The following PARD3B variants were observed in gnomAD, a reference collection of about 807,000 sequenced individuals.
PARD3B encodes partitioning defective 3 homolog B.
A neutral mutation model predicts 130.2 loss-of-function variants in PARD3B; 103 were observed. The ratio of observed to expected loss-of-function variants is 0.79; its 90% CI spans 0.67 to 0.93. PARD3B has a LOEUF of 0.93. Ranked by LOEUF, PARD3B falls within the 40% of genes least tolerant of loss-of-function variation. The pLI, the probability that PARD3B is intolerant of heterozygous loss-of-function variation, is 0.00. For synonymous variants in PARD3B, 583 were observed against 553.2 expected (o/e 1.05, Z -0.76); for missense variants, 1,609 against 1,499.2 (o/e 1.07, Z -1.21).
At chr2:205,236,824 C>A (rs1288007315) in intron 15 of PARD3B, among the ~76,000 whole-genome samples, 1 of 152,144 alleles carries the variant, frequency 6.6e-6, no homozygotes, top group Non-Finnish European at 1.5e-5. Context: ...ACATCAGTCA[C>A]ATCAGTGGAC....
At chr2:204,971,809 C>G (rs1691735591) in intron 3 of PARD3B, among the ~76,000 whole-genome samples, 1 of 148,440 alleles carries the variant, frequency 6.7e-6, no homozygotes, top group Non-Finnish European at 1.5e-5. Context: ...GAGCACCACT[C>G]TTTTGCTACT....
At chr2:205,610,492 A>G (rs1252006914) in intron 22 of PARD3B, among the ~76,000 whole-genome samples, 1 of 152,214 alleles carries the variant, frequency 6.6e-6, no homozygotes, top group Non-Finnish European at 1.5e-5. Context: ...GCCTGTACCT[A>G]GTAAGCCCAG....
chr2:205,243,759 C>T (rs1559579890), intron 15 of PARD3B, among the ~76,000 whole-genome samples: 1 of 152,054 alleles, frequency 6.6e-6, no homozygotes, highest in Non-Finnish European at 1.5e-5. Flanking sequence ...TCAGGCTTCT[C>T]CATTTATGAG....
At position 205,078,336 on chromosome 2, in the gene PARD3B, C is replaced by G. The variant is rs1183642099; in HGVS notation, c.505-26090C>G. ...TAGGTTCACTCAATGGCTATCGCAG[C>G]ATCATTCTTCATAATTTTTATTAAT... On this transcript the variant is annotated intron_variant, in intron 4 of 22. Transcript: ENST00000406610. The surrounding 1 kb of genome is among the most constrained non-coding windows in gnomAD (Gnocchi z 4.0). Among the ~76,000 whole-genome samples, 1 of 152,180 alleles carries G rather than the reference C, an allele frequency of 6.6e-6. No homozygotes were observed. Among genetic ancestry groups the G allele is most frequent in the Non-Finnish European group, 1.5e-5 (1 of 68,020 alleles).
intron 1 of PARD3B, among the ~76,000 whole-genome samples, chr2:204,574,344 T>C (rs1375095268): frequency 6.6e-6 from 1 of 152,242 alleles, no homozygotes; most frequent in East Asian, 1.9e-4. Flanking sequence ...TCATACTTTA[T>C]TCATAATAAA....
chr2:204,552,581 T>C (rs1376976709), intron 1 of PARD3B, among the ~76,000 whole-genome samples: 1 of 152,214 alleles, frequency 6.6e-6, no homozygotes, highest in African/African-American at 2.4e-5. Context: ...CCTAAGCCAA[T>C]GTCTAGAAGG....
intron 3 of PARD3B, among the ~76,000 whole-genome samples, chr2:205,017,443 G>C (rs1696233177): frequency 6.6e-6 from 1 of 152,038 alleles, no homozygotes; most frequent in Non-Finnish European, 1.5e-5. Flanking sequence ...GATGGCAGAT[G>C]GCAAAACTCA....
intron 1 of PARD3B, among the ~76,000 whole-genome samples, chr2:204,641,285 G>T (rs2035067611): frequency 6.6e-6 from 1 of 151,204 alleles, no homozygotes; most frequent in Non-Finnish European, 1.5e-5. Flanking sequence ...CATTTGGTTG[G>T]AACTTCTAAG....
chr2:205,027,947 A>T (rs953173934), intron 3 of PARD3B, among the ~76,000 whole-genome samples: 2 of 152,076 alleles, frequency 1.3e-5, no homozygotes, highest in African/African-American at 4.8e-5. Context: ...TGCCAATACC[A>T]TACTGTTTTA....
intron 2 of PARD3B, among the ~76,000 whole-genome samples, chr2:204,847,464 A>G (rs1310561985): frequency 6.6e-6 from 1 of 152,126 alleles, no homozygotes; most frequent in Non-Finnish European, 1.5e-5. Flanking sequence ...CTATAGCTTC[A>G]TTTTCTGTGG....
rs1704033441 is a variant in PARD3B, at chr2:205,116,413, AG to A, written c.681-2506del. Among the ~76,000 whole-genome samples, 1 of 152,148 alleles carries A rather than the reference AG, an allele frequency of 6.6e-6. No individual in the cohort carries two copies. Among genetic ancestry groups the A allele is most frequent in the African/African-American group, 2.4e-5 (1 of 41,428 alleles). On this transcript the variant is annotated intron_variant, in intron 6 of 22. Transcript: ENST00000406610. The surrounding 1 kb of genome is among the most constrained non-coding windows in gnomAD (Gnocchi z 4.5). ...GGCTGTGTGACATTGGGAAAAGAACAGGAAGGGGGCAAGGAGAAGATGTTGG... is the reference window on the plus strand; with the variant it reads ...GGCTGTGTGACATTGGGAAAAGAACAGAAGGGGGCAAGGAGAAGATGTTGG...
intron 2 of PARD3B, among the ~76,000 whole-genome samples, chr2:204,871,148 T>C (rs1233238266): frequency 1.3e-5 from 2 of 152,136 alleles, no homozygotes; most frequent in African/African-American, 4.8e-5. Context: ...CAAAGTTATT[T>C]TCCTAGCTGT....
intron 2 of PARD3B, among the ~76,000 whole-genome samples, chr2:204,706,259 C>T (rs912874434): frequency 1.4e-4 from 21 of 151,094 alleles, no homozygotes; most frequent in African/African-American, 3.2e-4. Flanking sequence ...CCCAGCCACT[C>T]GGGAGGCTGA....
At chr2:205,008,036 T>TA (rs1695419024) in intron 3 of PARD3B, among the ~76,000 whole-genome samples, 2 of 152,154 alleles carry the variant, frequency 1.3e-5, no homozygotes, top group South Asian at 4.1e-4. Flanking sequence ...TTTTTTTTGA[T>TA]ACATGAGAAG....
At chr2:205,016,418 A>G (rs1190795789) in intron 3 of PARD3B, among the ~76,000 whole-genome samples, 3 of 151,750 alleles carry the variant, frequency 2.0e-5, no homozygotes, top group Admixed American at 6.6e-5. Flanking sequence ...CACTTACCCA[A>G]CTCTCATTCC....
chr2:205,312,560 A>G (rs889415428), intron 18 of PARD3B, among the ~76,000 whole-genome samples: 2 of 152,222 alleles, frequency 1.3e-5, no homozygotes, highest in African/African-American at 4.8e-5. Flanking sequence ...ATTGTTCTCC[A>G]TGGTTATCTA....
In PARD3B at chr2:205,407,272, A is replaced by G. The variant is rs950063356; in HGVS notation, c.2741+6149A>G. Among the ~76,000 whole-genome samples, 2 of 152,178 alleles carry G rather than the reference A, an allele frequency of 1.3e-5. No homozygotes were observed. The highest frequency in any genetic ancestry group is 2.1e-4 in the South Asian group (1 of 4,828). ...GTTACAAGTCAAACAGTCTATTGCAATGAAGCCCTGCATTAAATAAACTCA... is the reference window on the plus strand; with the variant it reads ...GTTACAAGTCAAACAGTCTATTGCAGTGAAGCCCTGCATTAAATAAACTCA... On this transcript the variant is annotated intron_variant, in intron 19 of 22. Coordinates refer to ENST00000406610, the MANE Select transcript of PARD3B (RefSeq NM_001302769.2). The surrounding 1 kb of genome is among the most constrained non-coding windows in gnomAD (Gnocchi z 4.1).
chr2:204,707,954 G>A (rs879885528), intron 2 of PARD3B, among the ~76,000 whole-genome samples: 3 of 152,072 alleles, frequency 2.0e-5, no homozygotes, highest in Non-Finnish European at 4.4e-5. Context: ...GTCTGGAGGG[G>A]TGAGGAGGAG....
At chr2:205,216,958 A>G (rs1206854384) in intron 15 of PARD3B, among the ~76,000 whole-genome samples, 1 of 152,008 alleles carries the variant, frequency 6.6e-6, no homozygotes, top group Non-Finnish European at 1.5e-5. Flanking sequence ...TCTCGCACCC[A>G]TATTTGTCAC....
Sources: allele counts gnomAD v4.1 joint callset (sites outside exome capture counted in the v4.1 genomes callset), GRCh38; gene constraint gnomAD v4.1.1; non-coding constraint Gnocchi (gnomAD v3.1); transcripts MANE v1.5; gene names NCBI Gene and HGNC (gene_info 2026-07-23, HGNC 2026-07-21).